The following AGAP1 variants were observed in gnomAD, a reference collection of about 807,000 sequenced individuals.
AGAP1 encodes the protein arf-GAP with GTPase, ANK repeat and PH domain-containing protein 1.
AGAP1 carries 29 observed loss-of-function variants against 105.3 expected under a neutral mutation model. The observed-to-expected ratio is 0.28, with a 90% CI of 0.21 to 0.38. The LOEUF is 0.38. Among genes scored for constraint, AGAP1 ranks in the 10% least tolerant of loss-of-function variants. The pLI is 1.00. For missense variants in AGAP1, 998 were observed against 1,165.1 expected (o/e 0.86, Z 2.09); for synonymous variants, 509 against 485.9 (o/e 1.05, Z -0.63).
intron 1 of AGAP1, among the ~76,000 whole-genome samples, chr2:235,516,364 T>C (rs1942386734): frequency 6.6e-6 from 1 of 152,132 alleles, no homozygotes; most frequent in South Asian, 2.1e-4. Flanking sequence ...TTTTTTTAAA[T>C]CTCTTGTGGC....
Position 235,744,971 on chromosome 2 carries a change from T to C in AGAP1, c.538+132T>C. On this transcript the variant is annotated intron_variant, in intron 5 of 17. Transcript: ENST00000304032. The surrounding 1 kb of genome is among the most constrained non-coding windows in gnomAD (Gnocchi z 5.2). ...GAACGCTCACTTTTTTGGGAAAAAT[T>C]ATGGAACTGAAATGATCACATTTCC... 1 of 1,074,992 alleles carries C rather than the reference T, an allele frequency of 9.3e-7. No homozygotes were observed. 66.6% of individuals were successfully genotyped at this position (1,074,992 alleles called of 1,614,324 possible). A position where few individuals can be genotyped will look rare whatever the true frequency, so the allele number is the denominator to read the frequency against.
At chr2:235,817,520 C>CT (rs1333534528) in intron 9 of AGAP1, among the ~76,000 whole-genome samples, 1 of 152,100 alleles carries the variant, frequency 6.6e-6, no homozygotes, top group Admixed American at 6.5e-5. Flanking sequence ...CCAAAACACT[C>CT]TTTCCTTGGT....
chr2:235,931,309 C>G lies in AGAP1; in HGVS notation c.1483+386C>G, dbSNP rs992519852. Among the ~76,000 whole-genome samples, 2 of 152,190 alleles carry G rather than the reference C, an allele frequency of 1.3e-5. No individual in the cohort carries two copies. Among genetic ancestry groups the G allele is most frequent in the Admixed American group, 1.3e-4 (2 of 15,288 alleles). On this transcript the variant is annotated intron_variant, in intron 12 of 17. Coordinates refer to ENST00000304032, the MANE Select transcript of AGAP1 (RefSeq NM_001037131.3). The surrounding 1 kb of genome is among the most constrained non-coding windows in gnomAD (Gnocchi z 5.6). Reference sequence around the variant, plus strand: ...ACGTGGCGTGGCCCACACTCTTCCACCACTAGTGCACATTTTATATCATTA... The same window carrying G: ...ACGTGGCGTGGCCCACACTCTTCCAGCACTAGTGCACATTTTATATCATTA...
chr2:235,816,203 C>T (rs191899657), intron 9 of AGAP1, among the ~76,000 whole-genome samples: 58 of 152,050 alleles, frequency 3.8e-4, no homozygotes, highest in African/African-American at 9.9e-4. Context: ...TTTGGGAGGC[C>T]GAGGTGGGTG....
chr2:235,603,589 A>G (rs1945812472), intron 1 of AGAP1, among the ~76,000 whole-genome samples: 1 of 152,242 alleles, frequency 6.6e-6, no homozygotes, highest in Non-Finnish European at 1.5e-5. Context: ...ATGCTTTAAG[A>G]AACTGTAGTA....
At position 236,012,219 on chromosome 2, in the gene AGAP1, AGT is replaced by A. The variant is rs2056537483; in HGVS notation, c.1646-24338_1646-24337del. On this transcript the variant is annotated intron_variant, in intron 13 of 17. Coordinates refer to ENST00000304032, the MANE Select transcript of AGAP1 (RefSeq NM_001037131.3). The surrounding 1 kb of genome is among the most constrained non-coding windows in gnomAD (Gnocchi z 4.9). ...ACATCCTGTGGTAATGGGAGAGCAGAGTGTGAAAAATGGAAGGCATAAAGCGG... is the reference window on the plus strand; with the variant it reads ...ACATCCTGTGGTAATGGGAGAGCAGAGTGAAAAATGGAAGGCATAAAGCGG... 6.6e-6 allele frequency among the ~76,000 whole-genome samples: 1 copy of A among 152,054 alleles called. No homozygotes were observed. Among genetic ancestry groups the A allele is most frequent in the Non-Finnish European group, 1.5e-5 (1 of 68,018 alleles).
rs987453130 is a variant in AGAP1 at position 235,612,152 on chromosome 2, C to T, written c.164-97027C>T. ...TTGTTTTCCAGATGGCTTATTGTTT[C>T]ACACGTTTTCTTTTCTCAGTGAAGC... is the stretch of plus-strand genomic sequence containing the variant. On this transcript the variant is annotated intron_variant, in intron 1 of 17. Coordinates refer to ENST00000304032, the MANE Select transcript of AGAP1 (RefSeq NM_001037131.3). The surrounding 1 kb of genome is among the most constrained non-coding windows in gnomAD (Gnocchi z 4.3). Among the ~76,000 whole-genome samples the T allele has an allele frequency of 6.6e-6, 1 of 152,172 alleles. No individual in the cohort carries two copies. The highest frequency in any genetic ancestry group is 2.4e-5 in the African/African-American group (1 of 41,446).
intron 9 of AGAP1, among the ~76,000 whole-genome samples, chr2:235,834,099 C>A (rs1339508590): frequency 6.6e-6 from 1 of 152,148 alleles, no homozygotes; most frequent in Non-Finnish European, 1.5e-5. Flanking sequence ...CACGGGCACA[C>A]TGAGTTCTCA....
chr2:235,910,002 C>A (rs2051499847), intron 11 of AGAP1, among the ~76,000 whole-genome samples: 2 of 137,598 alleles, frequency 1.5e-5, no homozygotes, highest in Admixed American at 7.7e-5. Context: ...GCCTGGGTGA[C>A]AGCGAGACTC....
At chr2:235,860,227 CTT>C (rs1369215358) in intron 9 of AGAP1, among the ~76,000 whole-genome samples, 3 of 152,274 alleles carry the variant, frequency 2.0e-5, no homozygotes, top group African/African-American at 4.8e-5. Context: ...AAAAATATAA[CTT>C]TATCTCTGAG....
At position 236,036,744 on chromosome 2, in the gene AGAP1, G is replaced by T. The variant is rs764134810; in HGVS notation, c.1800+29G>T. On this transcript the variant is annotated intron_variant, in intron 14 of 17. Coordinates refer to ENST00000304032, the MANE Select transcript of AGAP1 (RefSeq NM_001037131.3). This position sits in a 1 kb window ranked among gnomAD's most constrained non-coding sequence, Gnocchi z 5.7. ...AGGCCCCTGGCTGCCCAAAACCAAG[G>T]CTGGGGCTGCTCAGGGGGAGTGCGG... 3 of 1,613,172 alleles carry T rather than the reference G, an allele frequency of 1.9e-6. No homozygotes were observed. Among genetic ancestry groups the T allele is most frequent in the Admixed American group, 1.7e-5 (1 of 59,936 alleles).
chr2:235,516,055 TCTGCTGCTGCTGCTGCTGCTGCTG>T (rs112761133), intron 1 of AGAP1, among the ~76,000 whole-genome samples: 11 of 138,708 alleles, frequency 7.9e-5, no homozygotes, highest in Admixed American at 2.8e-4. Flanking sequence ...CATGGGCTCC[TCTGCTGCTGCTGCTGCTGCTGCTG>T]CTGCTGCTGC....
intron 11 of AGAP1, among the ~76,000 whole-genome samples, chr2:235,920,800 C>T (rs994919475): frequency 6.6e-6 from 1 of 152,084 alleles, no homozygotes; most frequent in Non-Finnish European, 1.5e-5. Context: ...TAAGCTTTTG[C>T]TAAAAAACTG....
chr2:235,496,384 G>A (rs1393653701), intron 1 of AGAP1, among the ~76,000 whole-genome samples: 1 of 152,182 alleles, frequency 6.6e-6, no homozygotes, highest in Non-Finnish European at 1.5e-5. Context: ...TGCATGACTC[G>A]TGATGAGTGG....
rs1271604853 is a variant in AGAP1, at chr2:236,062,422, C to G, written c.2114+13141C>G. Among the ~76,000 whole-genome samples, 1 of 150,510 alleles carries G rather than the reference C, an allele frequency of 6.6e-6. No homozygotes were observed. Among genetic ancestry groups the G allele is most frequent in the Non-Finnish European group, 1.5e-5 (1 of 67,992 alleles). On this transcript the variant is annotated intron_variant, in intron 16 of 17. Coordinates refer to ENST00000304032, the MANE Select transcript of AGAP1 (RefSeq NM_001037131.3). The surrounding 1 kb of genome is among the most constrained non-coding windows in gnomAD (Gnocchi z 4.2). ...GCTGGTATGGGATTCTAGGAGCATA[C>G]TCAGGACTCGTATTTTGTTGTTGTT...
rs2057532445 is a variant in AGAP1 at position 236,040,946 on chromosome 2, A to G, written c.1891+105A>G. 2 of 1,128,234 alleles carry G rather than the reference A, an allele frequency of 1.8e-6. No homozygotes were observed. The highest frequency in any genetic ancestry group is 1.5e-5 in the African/African-American group (1 of 64,710). 69.9% of individuals were successfully genotyped at this position (1,128,234 alleles called of 1,614,324 possible). ...GACTCACATCTGTCCTGTTTGGCAG[A>G]TAAGAGTTAACTGCTTTTAGGAAAT... is the stretch of plus-strand genomic sequence containing the variant. On this transcript the variant is annotated intron_variant, in intron 15 of 17. Coordinates refer to ENST00000304032, the MANE Select transcript of AGAP1 (RefSeq NM_001037131.3). This position sits in a 1 kb window ranked among gnomAD's most constrained non-coding sequence, Gnocchi z 5.6.
chr2:235,640,125 G>A (rs1947140505), intron 1 of AGAP1, among the ~76,000 whole-genome samples: 2 of 152,216 alleles, frequency 1.3e-5, no homozygotes, highest in Admixed American at 1.3e-4. Context: ...GCAGTTCTAG[G>A]GTGAGGTGGA....
chr2:235,632,856 C>G (rs957971419), intron 1 of AGAP1, among the ~76,000 whole-genome samples: 6 of 152,170 alleles, frequency 3.9e-5, no homozygotes, highest in Non-Finnish European at 8.8e-5. Context: ...CATGCTCTGC[C>G]GCTTTGATTT....
At chr2:235,909,006 A>G (rs945721882) in intron 11 of AGAP1, 100 bp downstream of exon 11, 4 of 1,145,754 alleles carry the variant, frequency 3.5e-6, no homozygotes, top group Admixed American at 4.6e-5. Flanking sequence ...GGAGACAGTA[A>G]CTATCACATT....
Sources: allele counts gnomAD v4.1 joint callset (sites outside exome capture counted in the v4.1 genomes callset), GRCh38; gene constraint gnomAD v4.1.1; non-coding constraint Gnocchi (gnomAD v3.1); transcripts MANE v1.5; gene names NCBI Gene and HGNC (gene_info 2026-07-23, HGNC 2026-07-21).